The following TOGARAM1 variants were observed in gnomAD, a reference collection of about 807,000 sequenced individuals.
TOGARAM1 encodes TOG array regulator of axonemal microtubules protein 1.
In TOGARAM1, 100 loss-of-function variants were observed where a neutral mutation model predicts 166.6. That is an observed-to-expected ratio of 0.60 (90% CI 0.51 to 0.71). The LOEUF is 0.71. Among genes scored for constraint, TOGARAM1 ranks in the 30% least tolerant of loss-of-function variants. The probability of loss-of-function intolerance (pLI) is 0.00; values close to 1 mark genes in which losing one functional copy is unlikely to be tolerated. For missense variants in TOGARAM1, 2,029 were observed against 2,102.7 expected, an observed-to-expected ratio of 0.96 and a Z score of 0.69; for synonymous variants, 758 against 763.8, an observed-to-expected ratio of 0.99 and a Z score of 0.13.
chr14:45,053,032 CTTTTTTT>C (rs1177460413), intron 15 of TOGARAM1, among the ~76,000 whole-genome samples: 7 of 128,674 alleles, frequency 5.4e-5, no homozygotes, highest in Non-Finnish European at 9.9e-5. Flanking sequence ...AGTGCAATGT[CTTTTTTT>C]TTTTTTTTTT....
rs1337599816 is a variant in TOGARAM1, at chr14:44,963,159, C to T, written c.738C>T (p.Asp246=). ...TTCCCATCTTGCTTACTACTGAGGACTTGTTGCTTGGTCTGGATCTCACCG... is the reference window on the plus strand; with the variant it reads ...TTCCCATCTTGCTTACTACTGAGGATTTGTTGCTTGGTCTGGATCTCACCG... ...LLLPILLTTE[D]LLLGLDLTEV... is the part of the protein sequence containing the mutation. The change falls in exon 1 of 20, where the codon GAC becomes GAT. Residue 246 remains aspartate, a synonymous_variant. Coordinates refer to ENST00000361462, the MANE Select transcript of TOGARAM1 (RefSeq NM_001308120.2). 6.2e-7 allele frequency: 1 copy of T among 1,614,072 alleles called. No individual in the cohort carries two copies. The highest frequency in any genetic ancestry group is 8.5e-7 in the Non-Finnish European group (1 of 1,180,046).
intron 1 of TOGARAM1, among the ~76,000 whole-genome samples, chr14:44,992,300 G>A (rs1318262159): frequency 3.2e-4 from 48 of 152,150 alleles, no homozygotes; most frequent in Non-Finnish European, 1.5e-5. Flanking sequence ...GGTAACTGTG[G>A]TTAATGGGAA....
At chr14:45,061,158 T>C (rs969891040) in intron 16 of TOGARAM1, among the ~76,000 whole-genome samples, 9 of 152,256 alleles carry the variant, frequency 5.9e-5, no homozygotes, top group African/African-American at 2.2e-4. Context: ...TATTCATTTA[T>C]ATTCGTGAAG....
intron 6 of TOGARAM1, among the ~76,000 whole-genome samples, chr14:45,010,272 A>G (rs1421105208): frequency 6.6e-6 from 1 of 152,092 alleles, no homozygotes; most frequent in Non-Finnish European, 1.5e-5. Context: ...ATTTTTTCCT[A>G]TACATTTTTA....
At chr14:45,026,835 C>CAA (rs57156294) in intron 8 of TOGARAM1, among the ~76,000 whole-genome samples, 17 of 139,660 alleles carry the variant, frequency 1.2e-4, no homozygotes, top group African/African-American at 4.2e-4. Flanking sequence ...CCATCTCTAC[C>CAA]AAAAAAAAAA....
Position 44,970,409 on chromosome 14 carries a change from T to C in TOGARAM1, c.2046+5942T>C, listed in dbSNP as rs1332190832. Among the ~76,000 whole-genome samples the C allele has an allele frequency of 5.3e-5, 8 of 152,332 alleles. No homozygotes were observed. In the East Asian group the frequency reaches 9.6e-4, roughly 18 times the overall value. On this transcript the variant is annotated intron_variant, in intron 1 of 19. Coordinates refer to ENST00000361462, the MANE Select transcript of TOGARAM1 (RefSeq NM_001308120.2). ...TTTGTGTCCTGCAAGCTTGCTATAA[T>C]ATAATCATTTATTATTCGCAGGAGG... is the stretch of plus-strand genomic sequence containing the variant.
At chr14:45,038,378 C>T (rs1488199332) in intron 11 of TOGARAM1, among the ~76,000 whole-genome samples, 2 of 152,236 alleles carry the variant, frequency 1.3e-5, no homozygotes, top group Non-Finnish European at 2.9e-5. Context: ...CAGCCCAGAT[C>T]CCATGCCTAC....
At chr14:45,020,427 T>C (rs200098905) in intron 7 of TOGARAM1, among the ~76,000 whole-genome samples, 11 of 152,224 alleles carry the variant, frequency 7.2e-5, no homozygotes, top group Non-Finnish European at 1.3e-4. Context: ...ACCCGTTCCA[T>C]GTCACCATTT....
chr14:44,967,495 T>A (rs545221669), intron 1 of TOGARAM1, among the ~76,000 whole-genome samples: 40 of 152,328 alleles, frequency 2.6e-4, no homozygotes, highest in Non-Finnish European at 3.8e-4. Context: ...TTTCTTAAAT[T>A]AAGTCTTTTA....
chr14:45,018,618 C>T (rs1165967192), intron 7 of TOGARAM1, among the ~76,000 whole-genome samples: 1 of 152,100 alleles, frequency 6.6e-6, no homozygotes, highest in African/African-American at 2.4e-5. Flanking sequence ...TTTTTGTGGA[C>T]ATAACTCAAA....
At chr14:44,990,569 A>T (rs1462584847) in intron 1 of TOGARAM1, among the ~76,000 whole-genome samples, 1 of 152,212 alleles carries the variant, frequency 6.6e-6, no homozygotes, top group Non-Finnish European at 1.5e-5. Context: ...TATTTCACAC[A>T]CTAGTTATTT....
At chr14:45,002,965 C>T (rs377253064) in intron 3 of TOGARAM1, among the ~76,000 whole-genome samples, 4 of 151,604 alleles carry the variant, frequency 2.6e-5, no homozygotes, top group African/African-American at 9.7e-5. Context: ...GGCGACAGAG[C>T]GAGACTCCAT....
intron 16 of TOGARAM1, among the ~76,000 whole-genome samples, chr14:45,060,875 A>T (rs927791057): frequency 3.9e-5 from 6 of 152,202 alleles, no homozygotes; most frequent in African/African-American, 1.4e-4. Flanking sequence ...TTTGATCATT[A>T]GCTTATGGTG....
chr14:45,010,598 T>G (rs1163486501), intron 6 of TOGARAM1, among the ~76,000 whole-genome samples: 1 of 152,214 alleles, frequency 6.6e-6, no homozygotes, highest in East Asian at 1.9e-4. Context: ...CTCACTGAGT[T>G]ATTCTCTTCA....
At chr14:44,977,865 G>A (rs1886298417) in intron 1 of TOGARAM1, among the ~76,000 whole-genome samples, 1 of 151,910 alleles carries the variant, frequency 6.6e-6, no homozygotes, top group African/African-American at 2.4e-5. Context: ...GGCCAGGCTG[G>A]TCTCGAACTC....
intron 1 of TOGARAM1, among the ~76,000 whole-genome samples, chr14:44,991,901 GT>G (rs1887154647): frequency 6.6e-6 from 1 of 150,726 alleles, no homozygotes; most frequent in African/African-American, 2.4e-5. Flanking sequence ...GATAACTTTG[GT>G]ATTTTTTATA....
Position 44,995,739 on chromosome 14 carries a change from C to A in TOGARAM1, c.2047-7C>A. On this transcript the variant is annotated splice_polypyrimidine_tract_variant and splice_region_variant and intron_variant, in intron 1 of 19. Transcript: ENST00000361462. The stretch of plus-strand genomic sequence containing the variant: ...AAATTTGCTAATTTATGATTCTGTT[C>A]TTATAGTTTTCAACATATGATTTCA... 1.9e-6 allele frequency: 3 copies of A among 1,541,414 alleles called. No homozygotes were observed. Among genetic ancestry groups the A allele is most frequent in the Non-Finnish European group, 2.6e-6 (3 of 1,145,748 alleles).
chr14:45,000,553 A>G (rs547889524), intron 3 of TOGARAM1, among the ~76,000 whole-genome samples: 11 of 152,242 alleles, frequency 7.2e-5, no homozygotes, highest in Admixed American at 1.3e-4. Flanking sequence ...ATATGGCTCA[A>G]TAGTTCTCCA....
intron 1 of TOGARAM1, among the ~76,000 whole-genome samples, chr14:44,994,273 C>T (rs1193089235): frequency 6.6e-6 from 1 of 152,158 alleles, no homozygotes; most frequent in Non-Finnish European, 1.5e-5. Context: ...TGTAGGCTAC[C>T]ATGCCTGGCT....
Sources: allele counts gnomAD v4.1 joint callset (sites outside exome capture counted in the v4.1 genomes callset), GRCh38; gene constraint gnomAD v4.1.1; transcripts MANE v1.5; gene names NCBI Gene and HGNC (gene_info 2026-07-23, HGNC 2026-07-21).